The following LIG3 variants were observed in gnomAD, a reference collection of about 807,000 sequenced individuals.
The protein encoded by LIG3 is DNA ligase 3.
A neutral mutation model predicts 110.9 loss-of-function variants in LIG3; 58 were observed. That is an observed-to-expected ratio of 0.52 (90% confidence interval 0.42 to 0.65). The LOEUF (loss-of-function observed/expected upper bound fraction) is 0.65. LIG3 is among the 30% of genes least tolerant of loss of function. LIG3 has a pLI of 0.00. For synonymous variants in LIG3, 422 were observed against 472.8 expected (o/e 0.89, Z 1.39); for missense variants, 1,094 against 1,273.8 (o/e 0.86, Z 2.15).
In LIG3 at chr17:34,997,767, A is replaced by T; in HGVS notation, c.1853A>T (p.His618Leu). Reference protein sequence around the residue: ...RPLCERRKFLHDNMVEIPNRI... With the variant: ...RPLCERRKFLLDNMVEIPNRI... The stretch of plus-strand genomic sequence containing the variant: ...CTGTGTGAGCGGCGGAAGTTTCTTC[A>T]TGACAACATGGTTGAAATTCCAAAC... Residue 618 changes from histidine (H) to leucine (L), a missense_variant, in exon 12 of 20, where the codon CAT (histidine) becomes CTT (leucine). Physicochemically the swap from His to Leu is moderately conservative, Grantham distance 99 (BLOSUM62 -3). Coordinates refer to ENST00000378526, the MANE Select transcript of LIG3 (RefSeq NM_013975.4). 1 of 1,614,160 alleles carries T rather than the reference A, an allele frequency of 6.2e-7. No homozygotes were observed. Among genetic ancestry groups the T allele is most frequent in the Non-Finnish European group, 8.5e-7 (1 of 1,179,990 alleles).
chr17:35,004,321 A>G lies in LIG3; in HGVS notation c.2845A>G (p.Thr949Ala), dbSNP rs1378111804. Residue 949 changes from threonine to alanine, a missense_variant, in exon 20 of 20, where the codon ACA (threonine) becomes GCA (alanine). Transcript: ENST00000378526. Reference protein sequence around the residue: ...TGVRLYLPPSTPDFSRLRRYF... With the variant: ...TGVRLYLPPSAPDFSRLRRYF... Reference sequence around the variant, plus strand: ...GGTGCGGCTTTACTTGCCACCCTCCACACCAGACTTCAGCCGTCTCAGACG... The same window carrying G: ...GGTGCGGCTTTACTTGCCACCCTCCGCACCAGACTTCAGCCGTCTCAGACG... The G allele has an allele frequency of 3.1e-6, 5 of 1,614,030 alleles. No individual in the cohort carries two copies. The highest frequency in any genetic ancestry group is 4.2e-6 in the Non-Finnish European group (5 of 1,180,030).
rs1318855621 is a variant in LIG3 at position 35,004,474 on chromosome 17, A to G, written c.2998A>G (p.Ile1000Val). 3 of 1,614,068 alleles carry G rather than the reference A, an allele frequency of 1.9e-6. No individual in the cohort carries two copies. The highest frequency in any genetic ancestry group is 2.5e-6 in the Non-Finnish European group (3 of 1,179,950). ...CTCCCCAGAGTGGATTTGGGCATGT[A>G]TCCGGAAACGGAGACTGGTAGCTCC... is the stretch of plus-strand genomic sequence containing the variant. ...QVSPEWIWAC[I>V]RKRRLVAPC is the part of the protein sequence containing the mutation. Residue 1000 changes from isoleucine (I) to valine (V), a missense_variant, in exon 20 of 20, where the codon ATC becomes GTC. By Grantham distance (29) the Ile-to-Val change is conservative. Transcript: ENST00000378526.
At chr17:34,989,854 CAAATT>C in intron 4 of LIG3, 191 bp downstream of exon 4, 1 of 588,708 alleles carries the variant, frequency 1.7e-6, no homozygotes, top group South Asian at 2.1e-5. Context: ...CTGTACTCCA[CAAATT>C]ATGTAGCCAG....
chr17:34,998,577 T>G (rs1230488770), intron 13 of LIG3, 27 bp from the exon 14 acceptor site: 5 of 1,612,634 alleles, frequency 3.1e-6, no homozygotes, highest in African/African-American at 2.7e-5. Context: ...CTTTCTATTC[T>G]GTGGTCTCTC....
chr17:34,998,837 C>T (rs2090809208), intron 14 of LIG3, 110 bp downstream of exon 14: 3 of 1,377,196 alleles, frequency 2.2e-6, no homozygotes, highest in Non-Finnish European at 2.0e-6. Context: ...GTTATGACTT[C>T]CGAAGTCCTA....
intron 8 of LIG3, among the ~76,000 whole-genome samples, chr17:34,993,064 G>A (rs143088398): frequency 1.1e-3 from 174 of 152,284 alleles, no homozygotes; most frequent in African/African-American, 3.9e-3. Context: ...AGTAACCCCT[G>A]AGATTCTGTG....
chr17:34,980,797 G>C (rs1035870832), intron 1 of LIG3, 175 bp downstream of exon 1: 4 of 201,824 alleles, frequency 2.0e-5, no homozygotes, highest in African/African-American at 9.4e-5. Flanking sequence ...GGGAGCCCAG[G>C]GGGAGGCTCG....
chr17:34,999,413 C>T lies in LIG3; in HGVS notation c.2220C>T (p.Arg740=). Residue 740 remains arginine (R), a synonymous_variant, in exon 15 of 20, where the codon CGC becomes CGT. Transcript: ENST00000378526. ...AGGHDDATLA[R]LQNELDMVKI... ...GCCATGATGATGCCACGCTTGCCCG[C>T]CTGCAGAATGAACTAGACATGGTGA... The T allele has an allele frequency of 6.2e-7, 1 of 1,614,118 alleles. No homozygotes were observed. The highest frequency in any genetic ancestry group is 8.5e-7 in the Non-Finnish European group (1 of 1,179,992).
chr17:34,991,292 C>CG, intron 5 of LIG3, 178 bp downstream of exon 5: 1 of 640,116 alleles, frequency 1.6e-6, no homozygotes, highest in Non-Finnish European at 2.6e-6. Flanking sequence ...CTCTTAATTT[C>CG]TTAAGTTTCT....
At chr17:35,010,803 A>T (rs1339440174), downstream of LIG3, 3 of 151,904 alleles carry the variant, frequency 2.0e-5, no homozygotes, top group African/African-American at 7.3e-5. Flanking sequence ...GTGGGCTAGG[A>T]AAGGGAATGA....
chr17:34,990,125 CAA>C (rs1247126854), intron 4 of LIG3, among the ~76,000 whole-genome samples: 1 of 152,212 alleles, frequency 6.6e-6, no homozygotes, highest in African/African-American at 2.4e-5. Flanking sequence ...CTCTGTCCAA[CAA>C]GAGTTCATCT....
At position 34,989,357 on chromosome 17, in the gene LIG3, G is replaced by A. The variant is rs2090692453; in HGVS notation, c.692-109G>A. 3.1e-5 allele frequency: 30 copies of A among 980,124 alleles called. 1 individual carries two copies. The highest frequency in any genetic ancestry group is 4.4e-4 in the Middle Eastern group (2 of 4,522). 60.7% of individuals were successfully genotyped at this position (980,124 alleles called of 1,614,324 possible). A position where few individuals can be genotyped will look rare whatever the true frequency, so the allele number is the denominator to read the frequency against. ...ACATCTACCCCAAAAGTCTATTCGG[G>A]GAGATTAAATAAAGCTAAATACCAG... On this transcript the variant is annotated intron_variant, in intron 3 of 19. Coordinates refer to ENST00000378526, the MANE Select transcript of LIG3 (RefSeq NM_013975.4).
intron 5 of LIG3, 45 bp from the exon 6 acceptor site, chr17:34,991,626 G>T (rs753297531): frequency 1.2e-6 from 2 of 1,603,162 alleles, no homozygotes; most frequent in East Asian, 4.5e-5. Context: ...GATACACTTG[G>T]CCACCCTAGG....
At chr17:34,996,907 G>T in intron 11 of LIG3, 1 of 456,080 alleles carries the variant, frequency 2.2e-6, no homozygotes, top group African/African-American at 1.9e-5. Flanking sequence ...GAGAGCTTAA[G>T]TCACAGAAGA....
chr17:34,993,937 A>G (rs767792562), intron 8 of LIG3, among the ~76,000 whole-genome samples: 1 of 152,182 alleles, frequency 6.6e-6, no homozygotes, highest in Non-Finnish European at 1.5e-5. Flanking sequence ...GATGTGTTTT[A>G]TAATAAGCCA....
At position 34,994,330 on chromosome 17, in the gene LIG3, T is replaced by G. The variant is rs1367336016; in HGVS notation, c.1510T>G (p.Phe504Val). ...YAMKKCPNGM[F>V]SEIKYDGERV... ...AATGAAGAAATGTCCCAATGGCATG[T>G]TCTCTGAGATCAAGTACGATGGAGA... is the stretch of plus-strand genomic sequence containing the variant. Residue 504 changes from phenylalanine (F) to valine (V), a missense_variant, in exon 9 of 20, where the codon TTC becomes GTC. Phe to Val is a conservative substitution (Grantham distance 50, BLOSUM62 -1). Transcript: ENST00000378526. 2 of 1,614,142 alleles carry G rather than the reference T, an allele frequency of 1.2e-6. No homozygotes were observed. The highest frequency in any genetic ancestry group is 3.3e-5 in the Admixed American group (2 of 60,026).
chr17:34,990,799 T>G (rs2090711254), intron 4 of LIG3, among the ~76,000 whole-genome samples, 164 bp from the exon 5 acceptor site: 1 of 152,228 alleles, frequency 6.6e-6, no homozygotes, highest in Non-Finnish European at 1.5e-5. Flanking sequence ...GGTCTTTCTT[T>G]GTTGCCAGGG....
Position 35,004,362 on chromosome 17 carries a change from C to T in LIG3, c.2886C>T (p.Phe962=), listed in dbSNP as rs146604836. 4.1e-5 allele frequency: 66 copies of T among 1,614,010 alleles called. No individual in the cohort carries two copies. In the Middle Eastern group the frequency reaches 4.9e-4, roughly 12 times the overall value. ...FSRLRRYFVA[F]DGDLVQEFDM... is the part of the protein sequence containing the mutation. The stretch of plus-strand genomic sequence containing the variant: ...GTCTCAGACGCTACTTTGTGGCATT[C>T]GACGGGGACCTGGTACAGGAATTTG... The change falls in exon 20 of 20, where the codon TTC becomes TTT. Residue 962 remains phenylalanine, a synonymous_variant. Transcript: ENST00000378526.
intron 3 of LIG3, among the ~76,000 whole-genome samples, chr17:34,987,459 TTGC>T (rs2090668162): frequency 6.6e-6 from 1 of 152,256 alleles, no homozygotes; most frequent in East Asian, 1.9e-4. Context: ...CTACACTGTG[TTGC>T]TGCTTTTATT....
Sources: gnomAD v4.1 joint callset for allele counts (sites outside exome capture counted in the v4.1 genomes callset) on GRCh38, gnomAD v4.1.1 for gene constraint, MANE v1.5 for transcripts, NCBI Gene and HGNC (gene_info 2026-07-23, HGNC 2026-07-21) for gene names.